The following TXNDC15 variants were observed in gnomAD, a reference collection of about 807,000 sequenced individuals.
TXNDC15 encodes thioredoxin domain containing 15, also known as thioredoxin domain-containing protein 15.
Under a neutral mutation model 35.0 loss-of-function variants are expected in TXNDC15, and 24 were observed. That is an observed-to-expected ratio of 0.68 (90% CI 0.50 to 0.96). TXNDC15 has a LOEUF of 0.96. Ranked by LOEUF, TXNDC15 falls within the 40% of genes least tolerant of loss-of-function variation. The pLI, the probability that TXNDC15 is intolerant of heterozygous loss-of-function variation, is 0.00. For synonymous variants in TXNDC15, 169 were observed against 174.0 expected, an observed-to-expected ratio of 0.97 and a Z score of 0.23; for missense variants, 385 against 453.3, an observed-to-expected ratio of 0.85 and a Z score of 1.37.
At position 134,881,331 on chromosome 5, in the gene TXNDC15, G is replaced by GCGGC. The variant is rs1750139947; in HGVS notation, c.104-6362_104-6359dup. Among the ~76,000 whole-genome samples, 7 of 114,410 alleles carry GCGGC rather than the reference G, an allele frequency of 6.1e-5. No individual in the cohort carries two copies. The South Asian group carries it at 2.3e-3, about 37-fold the overall frequency. 75.1% of individuals were successfully genotyped at this position (114,410 alleles called of 152,430 possible). A position where few individuals can be genotyped will look rare whatever the true frequency, so the allele number is the denominator to read the frequency against. On this transcript the variant is annotated intron_variant, in intron 1 of 4. Transcript: ENST00000358387. ...CTGGTTTTCCTAGGCAGAGGACCCT[G>GCGGC]CGGCCTTCCGCAGTGTTTGTGTCCC...
intron 1 of TXNDC15, among the ~76,000 whole-genome samples, chr5:134,875,921 C>T (rs1005377409): frequency 3.9e-5 from 6 of 152,192 alleles, no homozygotes; most frequent in Non-Finnish European, 7.3e-5. Flanking sequence ...CCACCCACCT[C>T]GGCCTCCCAG....
intron 2 of TXNDC15, among the ~76,000 whole-genome samples, chr5:134,890,392 T>G (rs2150188468): frequency 6.6e-6 from 1 of 151,318 alleles, no homozygotes; most frequent in Admixed American, 6.6e-5. Context: ...TTCTCTTCTT[T>G]TCTCTTCTCT....
In TXNDC15 at chr5:134,901,582, A is replaced by G. The variant is rs1009105096; in HGVS notation, c.*1897A>G. Reference sequence around the variant, plus strand: ...CCAAGTACTGTTTTAGATGCTTTACATATACTATTTTGTTTAATATCCTTT... The same window carrying G: ...CCAAGTACTGTTTTAGATGCTTTACGTATACTATTTTGTTTAATATCCTTT... On this transcript the variant is annotated 3_prime_UTR_variant, in exon 5 of 5. Transcript: ENST00000358387. 3 of 152,196 alleles carry G rather than the reference A, an allele frequency of 2.0e-5. No homozygotes were observed. The highest frequency in any genetic ancestry group is 6.5e-5 in the Admixed American group (1 of 15,270). 9.4% of individuals were successfully genotyped at this position (152,196 alleles called of 1,614,324 possible).
chr5:134,892,878 T>C (rs1326326880), intron 2 of TXNDC15: 3 of 152,562 alleles, frequency 2.0e-5, no homozygotes, highest in Non-Finnish European at 4.4e-5. Flanking sequence ...AGACATTTAC[T>C]GATAAAGTTC....
At chr5:134,893,726 A>C (rs962631134) in intron 3 of TXNDC15, 71 bp downstream of exon 3, 4 of 1,591,308 alleles carry the variant, frequency 2.5e-6, no homozygotes, top group African/African-American at 2.7e-5. Flanking sequence ...GGTCCTAATT[A>C]GTTAAGTTAG....
In TXNDC15 at chr5:134,896,590, A is replaced by G. The variant is rs1750492418; in HGVS notation, c.886+166A>G. Among the ~76,000 whole-genome samples, 4 of 152,172 alleles carry G rather than the reference A, an allele frequency of 2.6e-5. No individual in the cohort carries two copies. The South Asian group carries it at 8.3e-4, about 32-fold the overall frequency. On this transcript the variant is annotated intron_variant, in intron 4 of 4. Transcript: ENST00000358387. ...GTTATGATCCTGTTAAATACTTCCC[A>G]ATCAGTATGAAGTTTAACATGAATA... is the stretch of plus-strand genomic sequence containing the variant.
intron 1 of TXNDC15, among the ~76,000 whole-genome samples, chr5:134,883,606 A>AAAAAAAAAG (rs1561898033): frequency 6.8e-6 from 1 of 147,994 alleles, no homozygotes; most frequent in African/African-American, 2.5e-5. Flanking sequence ...AAAAAAAAAA[A>AAAAAAAAAG]AAAAAGAAAA....
intron 1 of TXNDC15, among the ~76,000 whole-genome samples, chr5:134,876,587 T>G (rs1357763623): frequency 6.6e-6 from 1 of 152,170 alleles, no homozygotes; most frequent in East Asian, 1.9e-4. Flanking sequence ...CTTGCCCAAG[T>G]TAAATGTGCT....
At position 134,899,781 on chromosome 5, in the gene TXNDC15, T is replaced by A. The variant is rs1386350961; in HGVS notation, c.*96T>A. ...ACATTTTCTCCAGTGACGTGTTGAC[T>A]TGAAACTTCAGGCAGATTAAAAGAA... On this transcript the variant is annotated 3_prime_UTR_variant, in exon 5 of 5. Coordinates refer to ENST00000358387, the MANE Select transcript of TXNDC15 (RefSeq NM_024715.4). The A allele has an allele frequency of 1.1e-5, 11 of 1,018,352 alleles. No homozygotes were observed. The highest frequency in any genetic ancestry group is 1.5e-5 in the Non-Finnish European group (11 of 710,280). The allele number at this position is 1,018,352 out of a possible 1,614,324, so 63.1% of individuals were successfully genotyped here.
chr5:134,882,042 T>G (rs1750161079), intron 1 of TXNDC15, among the ~76,000 whole-genome samples: 1 of 149,228 alleles, frequency 6.7e-6, no homozygotes, highest in South Asian at 2.1e-4. Context: ...GCTCCTCACT[T>G]CTCAGACGGG....
intron 1 of TXNDC15, among the ~76,000 whole-genome samples, chr5:134,881,979 G>T (rs866296875): frequency 1.3e-4 from 19 of 151,498 alleles, no homozygotes; most frequent in South Asian, 8.3e-4. Context: ...CGGGGTGGCT[G>T]CCGGGTGGAG....
intron 1 of TXNDC15, 45 bp from the exon 2 acceptor site, chr5:134,887,650 T>G: frequency 6.6e-7 from 1 of 1,518,116 alleles, no homozygotes; most frequent in Non-Finnish European, 8.8e-7. Flanking sequence ...GGGGTTCATT[T>G]GTTTTGAAGT....
intron 1 of TXNDC15, among the ~76,000 whole-genome samples, chr5:134,883,601 A>G (rs1750208744): frequency 1.3e-5 from 2 of 148,534 alleles, no homozygotes; most frequent in Admixed American, 6.7e-5. Context: ...AAAAAAAAAA[A>G]AAAAAAAAAA....
intron 1 of TXNDC15, among the ~76,000 whole-genome samples, chr5:134,878,871 C>T (rs1353832800): frequency 6.6e-6 from 1 of 152,100 alleles, no homozygotes; most frequent in East Asian, 1.9e-4. Context: ...TGGTGGTGCG[C>T]ATCTGTAATC....
Position 134,875,261 on chromosome 5 carries a change from C to A in TXNDC15, c.103+731C>A, listed in dbSNP as rs1365421123. On this transcript the variant is annotated intron_variant, in intron 1 of 4. Coordinates refer to ENST00000358387, the MANE Select transcript of TXNDC15 (RefSeq NM_024715.4). ...GGCCTTACTTTCATGCTCCTTCACC[C>A]CACTCCTCATAGTCCTGTTAAAGTC... 6.6e-6 allele frequency: 3 copies of A among 456,068 alleles called. No homozygotes were observed. The Admixed American group carries it at 7.0e-5, about 11-fold the overall frequency. The allele number at this position is 456,068 out of a possible 1,614,324, so 28.3% of individuals were successfully genotyped here. A position where few individuals can be genotyped will look rare whatever the true frequency, so the allele number is the denominator to read the frequency against.
intron 4 of TXNDC15, among the ~76,000 whole-genome samples, chr5:134,897,319 T>C (rs1750512408): frequency 6.6e-6 from 1 of 152,126 alleles, no homozygotes; most frequent in Non-Finnish European, 1.5e-5. Context: ...ATAATCTCAG[T>C]TCACTGCAAC....
chr5:134,886,535 G>A (rs1750277863), intron 1 of TXNDC15, among the ~76,000 whole-genome samples: 1 of 152,246 alleles, frequency 6.6e-6, no homozygotes, highest in Non-Finnish European at 1.5e-5. Context: ...TCCCTTATCT[G>A]AGCATTATGC....
chr5:134,888,167 T>G lies in TXNDC15; in HGVS notation c.576T>G (p.Ile192Met), dbSNP rs1750317156. The G allele has an allele frequency of 6.2e-7, 1 of 1,603,696 alleles. No individual in the cohort carries two copies. The highest frequency in any genetic ancestry group is 1.3e-5 in the African/African-American group (1 of 74,574). ...GATTAGAAAATTTCACTCTGAAAAT[T>G]TTAAATATGTCACAGGTAAGGAAAA... ...ITGLENFTLK[I>M]LNMSQDLMDF... The change falls in exon 2 of 5, where the codon ATT becomes ATG. Residue 192 changes from isoleucine (I) to methionine (M), a missense_variant. By Grantham distance (10) the Ile-to-Met change is conservative (BLOSUM62 1). Coordinates refer to ENST00000358387, the MANE Select transcript of TXNDC15 (RefSeq NM_024715.4).
At chr5:134,883,125 G>T (rs1750193442) in intron 1 of TXNDC15, among the ~76,000 whole-genome samples, 1 of 151,342 alleles carries the variant, frequency 6.6e-6, no homozygotes, top group Non-Finnish European at 1.5e-5. Flanking sequence ...CCCATCTCTA[G>T]CAAAAATACA....
Sources: gnomAD v4.1 joint callset for allele counts (sites outside exome capture counted in the v4.1 genomes callset) on GRCh38, gnomAD v4.1.1 for gene constraint, MANE v1.5 for transcripts, NCBI Gene and HGNC (gene_info 2026-07-23, HGNC 2026-07-21) for gene names.